Variants in FRRS1 observed in about 807,000 individuals in gnomAD.
FRRS1 encodes the protein ferric reductase 1.
In FRRS1, 51 loss-of-function variants were observed where a neutral mutation model predicts 70.7. The observed-to-expected ratio is 0.72, with a 90% CI of 0.58 to 0.91. FRRS1 has a LOEUF of 0.91. Among genes scored for constraint, FRRS1 ranks in the 40% least tolerant of loss-of-function variants. The pLI is 0.00. For missense variants in FRRS1, 672 were observed against 726.0 expected (o/e 0.93, Z 0.86); for synonymous variants, 225 against 238.7 (o/e 0.94, Z 0.53).
chr1:99,715,727 G>T (rs1654491059), intron 11 of FRRS1, 55 bp from the exon 12 acceptor site: 5 of 1,256,592 alleles, frequency 4.0e-6, no homozygotes, highest in Non-Finnish European at 4.7e-6. Context: ...AAGAAAGGTG[G>T]TGTTGCAACG....
intron 1 of FRRS1, among the ~76,000 whole-genome samples, chr1:99,754,443 C>A (rs1175293343): frequency 6.6e-6 from 1 of 151,940 alleles, no homozygotes. Context: ...CACACCACAC[C>A]CCTGCACTCC....
chr1:99,719,617 A>C lies in FRRS1; in HGVS notation c.1037T>G (p.Leu346Trp). ...GRIYKHSQQP[L>W]ITYEKYDVTD... Reference sequence around the variant, plus strand: ...CACATCATATTTTTCATAGGTAATCAAAGGTTGCTGAGAGTGCTTGTAAAT... The same window carrying C: ...CACATCATATTTTTCATAGGTAATCCAAGGTTGCTGAGAGTGCTTGTAAAT... The change falls in exon 10 of 17, where the codon TTG (leucine) becomes TGG (tryptophan). Residue 346 changes from leucine to tryptophan, a missense_variant. Leu to Trp is a moderately conservative substitution (Grantham distance 61, BLOSUM62 -2). Transcript: ENST00000646001. The C allele has an allele frequency of 1.2e-6, 2 of 1,610,386 alleles. No individual in the cohort carries two copies. The highest frequency in any genetic ancestry group is 1.7e-6 in the Non-Finnish European group (2 of 1,176,954).
At position 99,710,870 on chromosome 1, in the gene FRRS1, G is replaced by A. The variant is rs369226600; in HGVS notation, c.1560C>T (p.Phe520=). ...CCTCAGTCCCAACATGCCAGGCTAC[G>A]AATCCGGTCATTGCATAGGTTTTCC... ...DSWKTYAMTG[F]VAWHVGTEVV... The change falls in exon 15 of 17, where the codon TTC becomes TTT. Residue 520 remains phenylalanine (F), a synonymous_variant. Transcript: ENST00000646001. 2.4e-5 allele frequency: 39 copies of A among 1,613,758 alleles called. No individual in the cohort carries two copies. The highest frequency in any genetic ancestry group is 1.6e-4 in the Middle Eastern group (1 of 6,084).
intron 9 of FRRS1, among the ~76,000 whole-genome samples, chr1:99,723,262 C>A (rs1347669483): frequency 6.6e-6 from 1 of 152,086 alleles, no homozygotes; most frequent in African/African-American, 2.4e-5. Flanking sequence ...CAATCACAAC[C>A]CCAACAGGAT....
intron 6 of FRRS1, among the ~76,000 whole-genome samples, chr1:99,738,470 A>G (rs796350812): frequency 9.2e-5 from 14 of 152,382 alleles, no homozygotes; most frequent in African/African-American, 3.4e-4. Flanking sequence ...ATGAACTTTT[A>G]AACTTAATTA....
Position 99,717,274 on chromosome 1 carries a change from C to CAAAGGGA in FRRS1, c.1236+129_1236+135dup, listed in dbSNP as rs1470629250. 4 of 668,976 alleles carry CAAAGGGA rather than the reference C, an allele frequency of 6.0e-6. No homozygotes were observed. In the Admixed American group the frequency reaches 6.9e-5, roughly 12 times the overall value. The allele number at this position is 668,976 out of a possible 1,614,324, so 41.4% of individuals were successfully genotyped here. The stretch of plus-strand genomic sequence containing the variant: ...GTCCACTCTCAATTGATCAGGAAAT[C>CAAAGGGA]AAAGGGAAAAAGGAGGATCCCAAAC... On this transcript the variant is annotated intron_variant, in intron 11 of 16. Coordinates refer to ENST00000646001, the MANE Select transcript of FRRS1 (RefSeq NM_001361041.2).
intron 9 of FRRS1, 92 bp downstream of exon 9, chr1:99,728,400 CG>C: frequency 9.5e-7 from 1 of 1,047,976 alleles, no homozygotes; most frequent in East Asian, 2.5e-5. Context: ...GCCTTAAAAA[CG>C]GGCAATTACA....
intron 4 of FRRS1, among the ~76,000 whole-genome samples, chr1:99,746,779 C>T (rs369040969): frequency 6.6e-6 from 1 of 152,054 alleles, no homozygotes; most frequent in Non-Finnish European, 1.5e-5. Flanking sequence ...TAAAGCAAAG[C>T]GGGGAAGAAT....
At chr1:99,744,838 C>A (rs1339379579) in intron 4 of FRRS1, among the ~76,000 whole-genome samples, 6 of 150,564 alleles carry the variant, frequency 4.0e-5, no homozygotes, top group Non-Finnish European at 1.5e-5. Context: ...GGCGTTGTGG[C>A]GGGCGCCTGT....
In FRRS1 at chr1:99,717,401, C is replaced by G. The variant is rs749421013; in HGVS notation, c.1236+9G>C. 7 of 1,587,526 alleles carry G rather than the reference C, an allele frequency of 4.4e-6. No homozygotes were observed. Among genetic ancestry groups the G allele is most frequent in the Non-Finnish European group, 6.1e-6 (7 of 1,156,052 alleles). On this transcript the variant is annotated intron_variant, in intron 11 of 16. Coordinates refer to ENST00000646001, the MANE Select transcript of FRRS1 (RefSeq NM_001361041.2). ...TGAATATTGCATTGAACTTTTTTCC[C>G]TCACCTACCTGAAACCAAGCTGCTT...
chr1:99,738,197 C>T lies in FRRS1; in HGVS notation c.648G>A (p.Glu216=). ...TGAAGGACAAGAAGACACAGGAAGC[C>T]TCCTTCTCTGGGTCACAGTTCAAAG... The part of the protein sequence containing the change: ...RSPLNCDPEK[E]ASCVFLSFTR... The change falls in exon 7 of 17, where the codon GAG becomes GAA. Residue 216 remains glutamate (E), a synonymous_variant. Coordinates refer to ENST00000646001, the MANE Select transcript of FRRS1 (RefSeq NM_001361041.2). 6 of 1,613,892 alleles carry T rather than the reference C, an allele frequency of 3.7e-6. No homozygotes were observed. Among genetic ancestry groups the T allele is most frequent in the South Asian group, 1.1e-5 (1 of 91,076 alleles).
chr1:99,708,320 C>T lies in FRRS1; in HGVS notation c.*708G>A, dbSNP rs1450979382. ...TAGTTCAAAATATATTTACCATAGG[C>T]TGGGCGTGGTGGCTCACGCCTGTAA... On this transcript the variant is annotated 3_prime_UTR_variant, in exon 17 of 17. Transcript: ENST00000646001. Among the ~76,000 whole-genome samples, 1 of 152,050 alleles carries T rather than the reference C, an allele frequency of 6.6e-6. No individual in the cohort carries two copies. Among genetic ancestry groups the T allele is most frequent in the Non-Finnish European group, 1.5e-5 (1 of 68,006 alleles).
At chr1:99,757,947 G>A (rs1181463806) in intron 1 of FRRS1, among the ~76,000 whole-genome samples, 1 of 59,598 alleles carries the variant, frequency 1.7e-5, no homozygotes, top group Non-Finnish European at 3.0e-5. Flanking sequence ...GAATGCCTGG[G>A]AGGAAAAAAA....
At chr1:99,749,149 C>T in intron 1 of FRRS1, 148 bp from the exon 2 acceptor site, 1 of 177,968 alleles carries the variant, frequency 5.6e-6, no homozygotes, top group Non-Finnish European at 1.2e-5. Flanking sequence ...GATTCTCTTG[C>T]CTCAGCTTCC....
At chr1:99,715,512 T>C in intron 12 of FRRS1, 74 bp downstream of exon 12, 2 of 861,042 alleles carry the variant, frequency 2.3e-6, no homozygotes, top group Non-Finnish European at 2.0e-6. Flanking sequence ...TTACCCATCA[T>C]TTGAAAATAA....
chr1:99,759,362 T>C (rs1657009273), intron 1 of FRRS1, among the ~76,000 whole-genome samples: 1 of 152,192 alleles, frequency 6.6e-6, no homozygotes, highest in Admixed American at 6.5e-5. Flanking sequence ...TGACACTTAC[T>C]GAAAATAGAA....
Position 99,710,903 on chromosome 1 carries a change from A to T in FRRS1, c.1527T>A (p.Pro509=). The T allele has an allele frequency of 6.2e-7, 1 of 1,613,578 alleles. No homozygotes were observed. The highest frequency in any genetic ancestry group is 8.5e-7 in the Non-Finnish European group (1 of 1,179,462). ...TCATTGCATAGGTTTTCCATGAATC[A>T]GGAAGATTCAGTCCTGGTAAATCCA... ...LGMDLPGLNL[P]DSWKTYAMTG... Residue 509 remains proline, a synonymous_variant, in exon 15 of 17, where the codon CCT becomes CCA. Coordinates refer to ENST00000646001, the MANE Select transcript of FRRS1 (RefSeq NM_001361041.2).
chr1:99,738,976 C>T (rs987162792), intron 6 of FRRS1, among the ~76,000 whole-genome samples: 5 of 151,970 alleles, frequency 3.3e-5, no homozygotes, highest in African/African-American at 9.7e-5. Context: ...AGACTTTGTT[C>T]GAATGCTGTG....
At chr1:99,739,353 T>C (rs1012151412) in intron 6 of FRRS1, among the ~76,000 whole-genome samples, 3 of 152,198 alleles carry the variant, frequency 2.0e-5, no homozygotes, top group African/African-American at 4.8e-5. Flanking sequence ...GACAACAATA[T>C]TGTCAACAGA....
Sources: gnomAD v4.1 joint callset for allele counts (sites outside exome capture counted in the v4.1 genomes callset) on GRCh38, gnomAD v4.1.1 for gene constraint, MANE v1.5 for transcripts, NCBI Gene and HGNC (gene_info 2026-07-23, HGNC 2026-07-21) for gene names.